The following TVP23B variants were observed in gnomAD, a reference collection of about 807,000 sequenced individuals.
TVP23B encodes the protein trans-golgi network vesicle protein 23 homolog B.
Under a neutral mutation model 30.6 loss-of-function variants are expected in TVP23B, and 10 were observed. That is an observed-to-expected ratio of 0.33 (90% CI 0.20 to 0.55). The LOEUF (loss-of-function observed/expected upper bound fraction) is 0.55, where lower values mean the gene tolerates loss of function less well. Ranked by LOEUF, TVP23B falls within the 20% of genes least tolerant of loss-of-function variation. TVP23B has a pLI of 0.91. For synonymous variants in TVP23B, 67 were observed against 83.1 expected (o/e 0.81, Z 1.06); for missense variants, 153 against 243.2 (o/e 0.63, Z 2.47).
In TVP23B at chr17:18,790,879, T is replaced by C. The variant is rs1308714689; in HGVS notation, c.96-17T>C. On this transcript the variant is annotated splice_polypyrimidine_tract_variant and intron_variant, in intron 2 of 6. Transcript: ENST00000307767. ...TAAAATGTAATTGCATTTCTTTCAT[T>C]GTGTTTTGGTTTTCAGACATCCAGT... is the stretch of plus-strand genomic sequence containing the variant. 10 of 1,597,300 alleles carry C rather than the reference T, an allele frequency of 6.3e-6. No individual in the cohort carries two copies. The highest frequency in any genetic ancestry group is 8.5e-6 in the Non-Finnish European group (10 of 1,175,440).
chr17:18,802,004 C>T (rs1166035201), intron 5 of TVP23B, among the ~76,000 whole-genome samples: 6 of 152,166 alleles, frequency 3.9e-5, no homozygotes, highest in African/African-American at 1.2e-4. Flanking sequence ...GGGCGGATCA[C>T]GAGGTCAGGA....
Position 18,798,838 on chromosome 17 carries a change from G to A in TVP23B, c.357G>A (p.Val119=). Residue 119 remains valine (V), a synonymous_variant, in exon 5 of 7, where the codon GTG becomes GTA. Transcript: ENST00000307767. ...RKESSQENKT[V]SEAESRIFWL... The stretch of plus-strand genomic sequence containing the variant: ...AGTCCTCTCAAGAGAATAAAACTGT[G>A]TCAGAGGCTGAATCAAGAATCTTTT... 6.2e-7 allele frequency: 1 copy of A among 1,613,662 alleles called. No individual in the cohort carries two copies. The highest frequency in any genetic ancestry group is 8.5e-7 in the Non-Finnish European group (1 of 1,179,746).
At position 18,805,896 on chromosome 17, in the gene TVP23B, G is replaced by C. The variant is rs866469956; in HGVS notation, c.*329G>C. 1.6e-5 allele frequency: 17 copies of C among 1,078,666 alleles called. No homozygotes were observed. Among genetic ancestry groups the C allele is most frequent in the Non-Finnish European group, 1.9e-5 (17 of 887,882 alleles). The allele number at this position is 1,078,666 out of a possible 1,614,324, so 66.8% of individuals were successfully genotyped here. ...AGTGTTCATTTACATAGGTAATGGA[G>C]ACCTTTGCATTTTGATCCATAGAAC... On this transcript the variant is annotated 3_prime_UTR_variant, in exon 7 of 7. Coordinates refer to ENST00000307767, the MANE Select transcript of TVP23B (RefSeq NM_016078.6).
chr17:18,791,614 C>G (rs1268982873), intron 3 of TVP23B, among the ~76,000 whole-genome samples: 2 of 151,812 alleles, frequency 1.3e-5, no homozygotes, highest in South Asian at 4.2e-4. Context: ...CATCTAGTGG[C>G]TAGAGGGCAG....
intron 3 of TVP23B, among the ~76,000 whole-genome samples, chr17:18,791,890 CTG>C (rs1156864556): frequency 1.3e-5 from 2 of 151,984 alleles, no homozygotes; most frequent in South Asian, 2.1e-4. Flanking sequence ...TAAAATTTAA[CTG>C]TGTGTGTTCG....
At chr17:18,803,126 A>C (rs2036193378) in intron 5 of TVP23B, among the ~76,000 whole-genome samples, 1 of 152,116 alleles carries the variant, frequency 6.6e-6, no homozygotes, top group Non-Finnish European at 1.5e-5. Flanking sequence ...TTGGAAAACG[A>C]CATTTCATTG....
chr17:18,788,197 G>C lies in TVP23B; in HGVS notation c.13-1156G>C, dbSNP rs1597615449. Among the ~76,000 whole-genome samples the C allele has an allele frequency of 3.9e-5, 6 of 152,016 alleles. No homozygotes were observed. The South Asian group carries it at 1.2e-3, about 32-fold the overall frequency. Reference sequence around the variant, plus strand: ...ATACAAAAAATTAGCCAGGCATGGTGGCACGCGCCTGTAGTCCCAGCTACT... The same window carrying C: ...ATACAAAAAATTAGCCAGGCATGGTCGCACGCGCCTGTAGTCCCAGCTACT... On this transcript the variant is annotated intron_variant, in intron 1 of 6. Transcript: ENST00000307767.
chr17:18,798,486 A>G (rs1202167510), intron 4 of TVP23B, among the ~76,000 whole-genome samples: 2 of 151,808 alleles, frequency 1.3e-5, no homozygotes, highest in African/African-American at 4.8e-5. Context: ...GATCATTGGT[A>G]GGAAAGGTAT....
intron 1 of TVP23B, among the ~76,000 whole-genome samples, chr17:18,788,163 C>CAAA (rs930692075): frequency 5.3e-5 from 8 of 150,122 alleles, no homozygotes; most frequent in Admixed American, 2.7e-4. Flanking sequence ...CCTGTCTCTA[C>CAAA]AAAAAAAAAT....
intron 3 of TVP23B, among the ~76,000 whole-genome samples, chr17:18,792,431 G>GGA (rs1486849586): frequency 6.6e-6 from 1 of 152,172 alleles, no homozygotes; most frequent in Non-Finnish European, 1.5e-5. Context: ...TCAAAGGTCT[G>GGA]TTTTCTTTAG....
chr17:18,797,031 G>GT (rs1402256865), intron 3 of TVP23B: 2 of 156,066 alleles, frequency 1.3e-5, no homozygotes, highest in African/African-American at 4.8e-5. Context: ...TGAGGAAGGA[G>GT]TTGGTATCTG....
chr17:18,785,085 G>C (rs1249668152), intron 1 of TVP23B, among the ~76,000 whole-genome samples: 1 of 152,150 alleles, frequency 6.6e-6, no homozygotes, highest in Non-Finnish European at 1.5e-5. Context: ...GATTAAAGTA[G>C]TTTCCTAACC....
At chr17:18,799,468 C>T (rs1396006233) in intron 5 of TVP23B, among the ~76,000 whole-genome samples, 2 of 152,082 alleles carry the variant, frequency 1.3e-5, no homozygotes, top group African/African-American at 2.4e-5. Context: ...GGACTGCTTA[C>T]GTGGCAGCCC....
intron 1 of TVP23B, among the ~76,000 whole-genome samples, chr17:18,786,151 A>G (rs1333441653): frequency 2.0e-5 from 3 of 152,162 alleles, no homozygotes; most frequent in East Asian, 1.9e-4. Context: ...TTTCCCTTGT[A>G]AGGACCATTG....
At chr17:18,787,120 C>T (rs1340887958) in intron 1 of TVP23B, among the ~76,000 whole-genome samples, 3 of 152,010 alleles carry the variant, frequency 2.0e-5, no homozygotes, top group African/African-American at 4.8e-5. Context: ...CTTGGTTGGG[C>T]GTGGTGGCTC....
chr17:18,785,603 G>A (rs1464969400), intron 1 of TVP23B, among the ~76,000 whole-genome samples: 1 of 152,036 alleles, frequency 6.6e-6, no homozygotes, highest in Non-Finnish European at 1.5e-5. Flanking sequence ...CCTGGGCATG[G>A]TGGCTCATGC....
intron 5 of TVP23B, among the ~76,000 whole-genome samples, chr17:18,799,907 T>C (rs1268907389): frequency 2.0e-5 from 3 of 152,134 alleles, no homozygotes; most frequent in Admixed American, 2.0e-4. Context: ...ATTCATACTT[T>C]CCTTCTTTGG....
chr17:18,791,714 C>T (rs1345542418), intron 3 of TVP23B, among the ~76,000 whole-genome samples: 1 of 151,996 alleles, frequency 6.6e-6, no homozygotes, highest in Non-Finnish European at 1.5e-5. Context: ...AAGGTTGAGA[C>T]ACCCTGCTGT....
chr17:18,800,354 G>C (rs1378482055), intron 5 of TVP23B, among the ~76,000 whole-genome samples: 2 of 152,118 alleles, frequency 1.3e-5, no homozygotes, highest in African/African-American at 2.4e-5. Flanking sequence ...TGGTTGTTTA[G>C]TCTTTGATCT....
Sources: gnomAD v4.1 joint callset for allele counts (sites outside exome capture counted in the v4.1 genomes callset) on GRCh38, gnomAD v4.1.1 for gene constraint, MANE v1.5 for transcripts, NCBI Gene and HGNC (gene_info 2026-07-23, HGNC 2026-07-21) for gene names.